Variants in VCAM1 observed in about 807,000 individuals in gnomAD.
The protein encoded by VCAM1 is vascular cell adhesion molecule 1.
Under a neutral mutation model 63.8 loss-of-function variants are expected in VCAM1, and 41 were observed. The observed-to-expected ratio is 0.64, with a 90% CI of 0.50 to 0.83. VCAM1 has a LOEUF of 0.83. Among genes scored for constraint, VCAM1 ranks in the 40% least tolerant of loss-of-function variants. The pLI is 0.00. For missense variants in VCAM1, 798 were observed against 875.5 expected, an observed-to-expected ratio of 0.91 and a Z score of 1.12; for synonymous variants, 338 against 320.7, an observed-to-expected ratio of 1.05 and a Z score of -0.58.
At chr1:100,733,862 C>A (rs1028511732) in intron 7 of VCAM1, among the ~76,000 whole-genome samples, 3 of 152,302 alleles carry the variant, frequency 2.0e-5, no homozygotes, top group Admixed American at 1.3e-4. Flanking sequence ...TATTTCACAT[C>A]TGAATTCTAT....
chr1:100,729,187 G>A lies in VCAM1; in HGVS notation c.1009G>A (p.Val337Ile). 1.9e-6 allele frequency: 3 copies of A among 1,613,600 alleles called. No individual in the cohort carries two copies. The highest frequency in any genetic ancestry group is 2.5e-6 in the Non-Finnish European group (3 of 1,179,720). Residue 337 changes from valine (V) to isoleucine (I), a missense_variant, in exon 5 of 9, where the codon GTC (valine) becomes ATC (isoleucine). Coordinates refer to ENST00000294728, the MANE Select transcript of VCAM1 (RefSeq NM_001078.4). ...AGACTCAGTCATGTTGACATGTAGTGTCATGGGCTGTGAATCCCCATCTTT... is the reference window on the plus strand; with the variant it reads ...AGACTCAGTCATGTTGACATGTAGTATCATGGGCTGTGAATCCCCATCTTT... ...IGDSVMLTCS[V>I]MGCESPSFSW...
At chr1:100,726,210 T>G (rs1660157416) in intron 4 of VCAM1, among the ~76,000 whole-genome samples, 1 of 152,052 alleles carries the variant, frequency 6.6e-6, no homozygotes, top group South Asian at 2.1e-4. Flanking sequence ...GTTCATCCCT[T>G]TTGTTGCAAA....
intron 5 of VCAM1, among the ~76,000 whole-genome samples, chr1:100,730,433 C>A (rs1289732597): frequency 6.6e-6 from 1 of 152,074 alleles, no homozygotes; most frequent in Non-Finnish European, 1.5e-5. Flanking sequence ...ATTATTCTTG[C>A]CCTTGATAGC....
At chr1:100,730,952 A>T (rs758995334) in intron 5 of VCAM1, among the ~76,000 whole-genome samples, 24 of 152,180 alleles carry the variant, frequency 1.6e-4, no homozygotes, top group Non-Finnish European at 2.6e-4. Context: ...TATTAAGAAG[A>T]AAAGAAATAA....
At chr1:100,720,038 T>A in intron 1 of VCAM1, 114 bp downstream of exon 1, 2 of 1,122,160 alleles carry the variant, frequency 1.8e-6, no homozygotes, top group Non-Finnish European at 2.6e-6. Flanking sequence ...TTTTAAACAG[T>A]AGGAAAAGTT....
At chr1:100,735,681 T>C (rs1571462897) in intron 8 of VCAM1, 1 of 152,344 alleles carries the variant, frequency 6.6e-6, no homozygotes, top group East Asian at 1.9e-4. Flanking sequence ...TGGCAAGCCT[T>C]ACCGTATGTA....
At chr1:100,722,023 G>A (rs1659971206) in intron 2 of VCAM1, among the ~76,000 whole-genome samples, 1 of 152,104 alleles carries the variant, frequency 6.6e-6, no homozygotes, top group African/African-American at 2.4e-5. Flanking sequence ...TATCTTGCCT[G>A]AGGTTTTTCT....
chr1:100,736,461 A>G (rs1369015380), intron 8 of VCAM1: 2 of 152,144 alleles, frequency 1.3e-5, no homozygotes, highest in Admixed American at 6.5e-5. Flanking sequence ...AAAGATATTC[A>G]GTGTTTATAT....
At chr1:100,732,064 G>C (rs1245352351) in intron 6 of VCAM1, among the ~76,000 whole-genome samples, 2 of 152,146 alleles carry the variant, frequency 1.3e-5, no homozygotes, top group Non-Finnish European at 2.9e-5. Flanking sequence ...GAGATTCAAG[G>C]GGTGGAAAAA....
chr1:100,738,247 A>G lies in VCAM1; in HGVS notation c.2184A>G (p.Ser728=). ...YFARKANMKG[S]YSLVEAQKSK... is the part of the protein sequence containing the mutation. ...CAAGAAAAGCCAACATGAAGGGGTC[A>G]TATAGTCTTGTAGAAGCACAGAAGT... Residue 728 remains serine, a synonymous_variant, in exon 9 of 9, where the codon TCA becomes TCG. Transcript: ENST00000294728. 4 of 1,613,752 alleles carry G rather than the reference A, an allele frequency of 2.5e-6. No homozygotes were observed. The highest frequency in any genetic ancestry group is 3.4e-6 in the Non-Finnish European group (4 of 1,179,718).
chr1:100,732,440 C>G lies in VCAM1; in HGVS notation c.1548C>G (p.Val516=), dbSNP rs1187406411. 2.2e-5 allele frequency: 35 copies of G among 1,584,304 alleles called. No individual in the cohort carries two copies. The highest frequency in any genetic ancestry group is 2.7e-5 in the Non-Finnish European group (32 of 1,168,354). The change falls in exon 7 of 9, where the codon GTC becomes GTG. Residue 516 remains valine (V), a synonymous_variant. Coordinates refer to ENST00000294728, the MANE Select transcript of VCAM1 (RefSeq NM_001078.4). ...YVNVAPRDTT[V]LVSPSSILEE... ...CAGTTGCCCCCAGAGATACAACCGT[C>G]TTGGTCAGCCCTTCCTCCATCCTGG...
intron 4 of VCAM1, among the ~76,000 whole-genome samples, chr1:100,726,102 C>T (rs1341909343): frequency 6.6e-6 from 1 of 151,968 alleles, no homozygotes; most frequent in Non-Finnish European, 1.5e-5. Context: ...CTACTCTCTA[C>T]TTCTATGACT....
In VCAM1 at chr1:100,734,804, A is replaced by T. The variant is rs748674024; in HGVS notation, c.2059+36A>T. The T allele has an allele frequency of 3.1e-6, 5 of 1,602,828 alleles. No homozygotes were observed. The South Asian group carries it at 5.6e-5, about 18-fold the overall frequency. The stretch of plus-strand genomic sequence containing the variant: ...TTTGAGTTTTTGTTTTCTTGGTAAT[A>T]GTTCAGAGGTTCCAAGGATTACTAA... On this transcript the variant is annotated intron_variant, in intron 8 of 8. Coordinates refer to ENST00000294728, the MANE Select transcript of VCAM1 (RefSeq NM_001078.4).
intron 3 of VCAM1, among the ~76,000 whole-genome samples, chr1:100,723,982 C>T (rs1365275094): frequency 3.9e-5 from 6 of 151,900 alleles, no homozygotes; most frequent in South Asian, 2.1e-4. Context: ...TTGCCAACTA[C>T]GGCATGTTTA....
At position 100,724,548 on chromosome 1, in the gene VCAM1, A is replaced by C; in HGVS notation, c.662-76A>C. 3 of 1,511,900 alleles carry C rather than the reference A, an allele frequency of 2.0e-6. No individual in the cohort carries two copies. The South Asian group carries it at 3.9e-5, about 20-fold the overall frequency. The allele number at this position is 1,511,900 out of a possible 1,614,324, so 93.7% of individuals were successfully genotyped here. ...ATCAAATTGGTGGAAGCACATAAAT[A>C]CTAAGAGAAATACATTACCTCTGTT... On this transcript the variant is annotated intron_variant, in intron 3 of 8. Transcript: ENST00000294728.
intron 4 of VCAM1, among the ~76,000 whole-genome samples, chr1:100,726,724 G>A (rs1022191231): frequency 1.3e-5 from 2 of 152,040 alleles, no homozygotes; most frequent in Non-Finnish European, 2.9e-5. Flanking sequence ...GGTACTGGGG[G>A]TACAGATATG....
chr1:100,722,921 A>T, intron 2 of VCAM1, 99 bp from the exon 3 acceptor site: 1 of 1,345,674 alleles, frequency 7.4e-7, no homozygotes, highest in South Asian at 1.5e-5. Flanking sequence ...GACTGTATTA[A>T]CAAAAACGCT....
intron 8 of VCAM1, chr1:100,736,333 T>G (rs564025141): frequency 2.8e-4 from 43 of 152,324 alleles, no homozygotes; most frequent in African/African-American, 1.0e-3. Flanking sequence ...GACCAAAAAA[T>G]GGATATTTTT....
Position 100,729,284 on chromosome 1 carries a change from C to G in VCAM1, c.1106C>G (p.Thr369Ser), listed in dbSNP as rs767986742. The G allele has an allele frequency of 6.8e-6, 11 of 1,613,572 alleles. No individual in the cohort carries two copies. The South Asian group carries it at 1.2e-4, about 18-fold the overall frequency. ...VRSEGTNSTL[T>S]LSPVSFENEH... Reference sequence around the variant, plus strand: ...AGTGAGGGGACCAATTCCACGCTGACCCTGAGCCCTGTGAGTTTTGAGAAC... The same window carrying G: ...AGTGAGGGGACCAATTCCACGCTGAGCCTGAGCCCTGTGAGTTTTGAGAAC... The change falls in exon 5 of 9, where the codon ACC becomes AGC. Residue 369 changes from threonine to serine, a missense_variant. Transcript: ENST00000294728.
Sources: allele counts gnomAD v4.1 joint callset (sites outside exome capture counted in the v4.1 genomes callset), GRCh38; gene constraint gnomAD v4.1.1; transcripts MANE v1.5; gene names NCBI Gene and HGNC (gene_info 2026-07-23, HGNC 2026-07-21).